Variants in SEPTIN14 observed in about 807,000 individuals in gnomAD.
The protein encoded by SEPTIN14 is septin 14, also known as septin-14.
SEPTIN14 carries 40 observed loss-of-function variants against 53.6 expected under a neutral mutation model. That is an observed-to-expected ratio of 0.75 (90% CI 0.58 to 0.97). The LOEUF is 0.97. Ranked by LOEUF, SEPTIN14 falls within the 50% of genes least tolerant of loss-of-function variation. The probability of loss-of-function intolerance (pLI) is 0.00; values close to 1 mark genes in which losing one functional copy is unlikely to be tolerated. For missense variants in SEPTIN14, 471 were observed against 508.2 expected (o/e 0.93, Z 0.70); for synonymous variants, 138 against 166.8 (o/e 0.83, Z 1.33).
At chr7:55,819,372 G>C (rs1365110802) in intron 6 of SEPTIN14, 149 bp from the exon 7 acceptor site, 1 of 621,198 alleles carries the variant, frequency 1.6e-6, no homozygotes, top group Admixed American at 2.8e-5. Flanking sequence ...GGCGGATCAT[G>C]AGGTCAGGAG....
chr7:55,829,820 CAAAAAAA>C (rs35998043), intron 6 of SEPTIN14, among the ~76,000 whole-genome samples: 4 of 37,620 alleles, frequency 1.1e-4, no homozygotes, highest in Admixed American at 4.8e-4. Flanking sequence ...GACTCCATCT[CAAAAAAA>C]AAAAAAAAAA....
chr7:55,811,268 C>T, intron 7 of SEPTIN14: 2 of 520,666 alleles, frequency 3.8e-6, no homozygotes, highest in South Asian at 1.5e-5. Flanking sequence ...TATCCACCTC[C>T]TTGAAGAGGT....
At chr7:55,848,575 C>T (rs1017446232) in intron 2 of SEPTIN14, among the ~76,000 whole-genome samples, 4 of 151,036 alleles carry the variant, frequency 2.6e-5, no homozygotes, top group Non-Finnish European at 4.4e-5. Flanking sequence ...GGATTACAAG[C>T]TTGAGTCACT....
At chr7:55,828,512 G>T (rs1048127018) in intron 6 of SEPTIN14, among the ~76,000 whole-genome samples, 1 of 152,066 alleles carries the variant, frequency 6.6e-6, no homozygotes, top group Non-Finnish European at 1.5e-5. Context: ...CACCGTGTTA[G>T]CCAGGATGGT....
chr7:55,802,887 A>G (rs1336926589), intron 9 of SEPTIN14, among the ~76,000 whole-genome samples: 2 of 152,204 alleles, frequency 1.3e-5, no homozygotes, highest in African/African-American at 2.4e-5. Context: ...ACAAGAACTC[A>G]AATAATTCAA....
At chr7:55,855,553 C>A (rs1401205803) in intron 2 of SEPTIN14, among the ~76,000 whole-genome samples, 1 of 151,718 alleles carries the variant, frequency 6.6e-6, no homozygotes, top group Non-Finnish European at 1.5e-5. Flanking sequence ...GTGCTTTTTT[C>A]TTTTCTTTTC....
chr7:55,803,134 C>T (rs1036962514), intron 9 of SEPTIN14, among the ~76,000 whole-genome samples: 1 of 152,116 alleles, frequency 6.6e-6, no homozygotes, highest in Non-Finnish European at 1.5e-5. Context: ...GACAAGGTTT[C>T]ACCATGTTGG....
At chr7:55,835,782 G>T (rs747837814) in intron 5 of SEPTIN14, among the ~76,000 whole-genome samples, 3 of 151,884 alleles carry the variant, frequency 2.0e-5, no homozygotes, top group Non-Finnish European at 2.9e-5. Context: ...TTGCTCTGTC[G>T]CCCAGGCTGG....
chr7:55,832,202 A>AACACACACACACAC (rs112349116), intron 6 of SEPTIN14, among the ~76,000 whole-genome samples: 5 of 145,006 alleles, frequency 3.4e-5, no homozygotes, highest in African/African-American at 1.3e-4. Context: ...CTCTGTCTCA[A>AACACACACACACAC]ACACACACAC....
intron 9 of SEPTIN14, among the ~76,000 whole-genome samples, chr7:55,804,046 G>T (rs1178786969): frequency 1.4e-5 from 2 of 143,920 alleles, no homozygotes; most frequent in Middle Eastern, 3.8e-3. Context: ...TGGGGCAGGA[G>T]AATGGCGTGA....
chr7:55,832,114 T>A (rs1471333649), intron 6 of SEPTIN14, among the ~76,000 whole-genome samples: 1 of 151,744 alleles, frequency 6.6e-6, no homozygotes, highest in East Asian at 1.9e-4. Context: ...GGCAGGGGAA[T>A]CTCTTGAACC....
rs1216458496 is a variant in SEPTIN14 at position 55,830,349 on chromosome 7, A to ATTTTTTTTT, written c.720+4067_720+4075dup. On this transcript the variant is annotated intron_variant, in intron 6 of 9. Transcript: ENST00000388975. ...TATATATATATATATATATATATAT[A>ATTTTTTTTT]TTTTTTTTTTTTTTTGAGACGGAGT... is the stretch of plus-strand genomic sequence containing the variant. Among the ~76,000 whole-genome samples the ATTTTTTTTT allele has an allele frequency of 1.2e-3, 71 of 56,840 alleles. 5 individuals are homozygous for ATTTTTTTTT. Among genetic ancestry groups the ATTTTTTTTT allele is most frequent in the African/African-American group, 5.3e-3 (53 of 9,948 alleles). The allele number at this position is 56,840 out of a possible 152,430, so 37.3% of individuals were successfully genotyped here.
At chr7:55,837,024 G>C (rs1038090790) in intron 5 of SEPTIN14, among the ~76,000 whole-genome samples, 2 of 151,830 alleles carry the variant, frequency 1.3e-5, no homozygotes, top group East Asian at 3.9e-4. Flanking sequence ...TTAGGGCTGA[G>C]TGCAGAAAAG....
chr7:55,797,139 A>T (rs543601473), intron 9 of SEPTIN14, among the ~76,000 whole-genome samples: 204 of 152,094 alleles, frequency 1.3e-3, no homozygotes, highest in Non-Finnish European at 2.1e-3. Flanking sequence ...AGAAAAAAAA[A>T]GAGAGAGAGA....
intron 5 of SEPTIN14, among the ~76,000 whole-genome samples, chr7:55,835,821 C>T (rs893644934): frequency 8.5e-5 from 13 of 152,126 alleles, no homozygotes; most frequent in African/African-American, 3.1e-4. Flanking sequence ...AGGCTCAGGG[C>T]AACGTCTGCC....
intron 5 of SEPTIN14, among the ~76,000 whole-genome samples, chr7:55,835,903 C>T (rs767337066): frequency 6.6e-6 from 1 of 151,878 alleles, no homozygotes; most frequent in Non-Finnish European, 1.5e-5. Context: ...CCACCATACC[C>T]GGTTGATTTT....
Position 55,844,756 on chromosome 7 carries a change from A to G in SEPTIN14, c.176-38T>C, listed in dbSNP as rs775384407. ...TAGAGTCATTGTCATAGGGACATAAAGGGGCTAAGAAAAAGCAACACTTTG... is the reference window on the plus strand; with the variant it reads ...TAGAGTCATTGTCATAGGGACATAAGGGGGCTAAGAAAAAGCAACACTTTG... On this transcript the variant is annotated intron_variant, in intron 3 of 9. Coordinates refer to ENST00000388975, the MANE Select transcript of SEPTIN14 (RefSeq NM_207366.3). 4 of 1,150,682 alleles carry G rather than the reference A, an allele frequency of 3.5e-6. No individual in the cohort carries two copies. The African/African-American group carries it at 6.2e-5, about 18-fold the overall frequency. 71.3% of individuals were successfully genotyped at this position (1,150,682 alleles called of 1,614,324 possible).
At chr7:55,822,568 C>G (rs557426846) in intron 6 of SEPTIN14, among the ~76,000 whole-genome samples, 27 of 151,372 alleles carry the variant, frequency 1.8e-4, no homozygotes, top group Middle Eastern at 3.4e-3. Flanking sequence ...ATCAATAGAG[C>G]AGAGCAGAGA....
At chr7:55,841,379 C>T (rs1789308542) in intron 5 of SEPTIN14, among the ~76,000 whole-genome samples, 1 of 152,158 alleles carries the variant, frequency 6.6e-6, no homozygotes, top group African/African-American at 2.4e-5. Context: ...TCCCACCCTT[C>T]CCCTTTATAA....
Sources: allele counts gnomAD v4.1 joint callset (sites outside exome capture counted in the v4.1 genomes callset), GRCh38; gene constraint gnomAD v4.1.1; transcripts MANE v1.5; gene names NCBI Gene and HGNC (gene_info 2026-07-23, HGNC 2026-07-21).